Variants in CLMN observed in about 807,000 individuals in gnomAD.
CLMN encodes calmin.
In CLMN, 57 loss-of-function variants were observed where a neutral mutation model predicts 92.7. The ratio of observed to expected loss-of-function variants is 0.61; its 90% CI spans 0.50 to 0.77. The LOEUF (loss-of-function observed/expected upper bound fraction) is 0.77, where lower values mean the gene tolerates loss of function less well. Among genes scored for constraint, CLMN ranks in the 30% least tolerant of loss-of-function variants. The pLI is 0.00. For missense variants in CLMN, 1,158 were observed against 1,237.5 expected (o/e 0.94, Z 0.96); for synonymous variants, 466 against 470.6 (o/e 0.99, Z 0.13).
At chr14:95,236,197 G>T (rs1007826425) in intron 1 of CLMN, among the ~76,000 whole-genome samples, 1 of 152,204 alleles carries the variant, frequency 6.6e-6, no homozygotes, top group East Asian at 1.9e-4. Flanking sequence ...GAACATGGCC[G>T]CTCAGTGAAA....
At chr14:95,237,452 G>A (rs918325016) in intron 1 of CLMN, among the ~76,000 whole-genome samples, 7 of 152,350 alleles carry the variant, frequency 4.6e-5, no homozygotes, top group Admixed American at 2.0e-4. Flanking sequence ...GCATGGTCAC[G>A]TGGCAGAGAG....
At chr14:95,318,789 T>G (rs1050868725) in intron 1 of CLMN, among the ~76,000 whole-genome samples, 4 of 152,042 alleles carry the variant, frequency 2.6e-5, no homozygotes, top group Non-Finnish European at 5.9e-5. Flanking sequence ...AAAGCCCATA[T>G]ATGAAAAAAA....
At chr14:95,223,326 C>T (rs904825893) in intron 3 of CLMN, among the ~76,000 whole-genome samples, 7 of 152,276 alleles carry the variant, frequency 4.6e-5, no homozygotes, top group East Asian at 3.9e-4. Context: ...GTGGAATGAA[C>T]GTCAAGACCA....
chr14:95,291,703 T>C (rs1900573498), intron 1 of CLMN, among the ~76,000 whole-genome samples: 1 of 152,178 alleles, frequency 6.6e-6, no homozygotes, highest in African/African-American at 2.4e-5. Context: ...CATCTAGGTA[T>C]CTGTCCTCTA....
intron 1 of CLMN, among the ~76,000 whole-genome samples, chr14:95,297,503 T>C (rs917147079): frequency 2.6e-5 from 4 of 152,140 alleles, no homozygotes; most frequent in African/African-American, 9.7e-5. Flanking sequence ...TGTGTCCTAT[T>C]GTACTCAATC....
chr14:95,196,735 C>G, intron 9 of CLMN, 41 bp from the exon 10 acceptor site: 1 of 1,588,276 alleles, frequency 6.3e-7, no homozygotes, highest in Non-Finnish European at 8.6e-7. Flanking sequence ...GTATGTCACG[C>G]TGCAGTGTAA....
At chr14:95,221,559 G>T in intron 4 of CLMN, 132 bp downstream of exon 4, 2 of 741,166 alleles carry the variant, frequency 2.7e-6, no homozygotes, top group Non-Finnish European at 4.4e-6. Context: ...TGAAATTTAA[G>T]CTTAGTTTAA....
At position 95,191,561 on chromosome 14, in the gene CLMN, G is replaced by GT; in HGVS notation, c.*2dup. On this transcript the variant is annotated 3_prime_UTR_variant, in exon 13 of 13. Transcript: ENST00000298912. This position sits in a 1 kb window ranked among gnomAD's most constrained non-coding sequence, Gnocchi z 5.3. ...TGTCTTTTTTATTATCCAGACACAC[G>GT]TATCAGAGCCTGCTAACATCCAGTT... The GT allele has an allele frequency of 1.2e-6, 2 of 1,608,184 alleles. No homozygotes were observed. The highest frequency in any genetic ancestry group is 8.5e-7 in the Non-Finnish European group (1 of 1,177,350).
At chr14:95,247,351 A>G (rs1331767106) in intron 1 of CLMN, among the ~76,000 whole-genome samples, 2 of 152,222 alleles carry the variant, frequency 1.3e-5, no homozygotes, top group East Asian at 1.9e-4. Context: ...GCCAAGGCTC[A>G]GCCATCTTGG....
chr14:95,245,218 AT>A lies in CLMN; in HGVS notation c.83-15086del, dbSNP rs1309613627. The stretch of plus-strand genomic sequence containing the variant: ...TAATATATATATATATTATATATAT[AT>A]ATATATTATATATATATATTATATA... On this transcript the variant is annotated intron_variant, in intron 1 of 12. Coordinates refer to ENST00000298912, the MANE Select transcript of CLMN (RefSeq NM_024734.4). 1.1e-3 allele frequency among the ~76,000 whole-genome samples: 31 copies of A among 29,492 alleles called. 6 individuals carry two copies. Among genetic ancestry groups the A allele is most frequent in the African/African-American group, 6.5e-3 (31 of 4,738 alleles). 19.3% of individuals were successfully genotyped at this position (29,492 alleles called of 152,430 possible). A position where few individuals can be genotyped will look rare whatever the true frequency, so the allele number is the denominator to read the frequency against.
intron 1 of CLMN, among the ~76,000 whole-genome samples, chr14:95,277,198 T>C (rs1899965634): frequency 6.6e-6 from 1 of 152,246 alleles, no homozygotes. Flanking sequence ...CTGTAGCGAA[T>C]TTGGTGAACT....
intron 3 of CLMN, among the ~76,000 whole-genome samples, chr14:95,223,512 T>G (rs1595588960): frequency 6.6e-6 from 1 of 152,218 alleles, no homozygotes; most frequent in South Asian, 2.1e-4. Flanking sequence ...AGTTCTAATC[T>G]TAAGCCTTAA....
At chr14:95,283,109 T>A (rs527593817) in intron 1 of CLMN, among the ~76,000 whole-genome samples, 1 of 152,280 alleles carries the variant, frequency 6.6e-6, no homozygotes, top group Middle Eastern at 3.4e-3. Flanking sequence ...AATTCCCACA[T>A]GTTGTGAGAG....
chr14:95,207,156 C>T (rs987538535), intron 8 of CLMN, among the ~76,000 whole-genome samples: 4 of 152,110 alleles, frequency 2.6e-5, no homozygotes, highest in African/African-American at 7.2e-5. Flanking sequence ...AACGTGTATA[C>T]ATTGTAAAAT....
At position 95,183,045 on chromosome 14, in the gene CLMN, A is replaced by G. The variant is rs1896364444; in HGVS notation, c.*8519T>C. The G allele has an allele frequency of 6.6e-6, 1 of 152,220 alleles. No individual in the cohort carries two copies. Among genetic ancestry groups the G allele is most frequent in the South Asian group, 2.1e-4 (1 of 4,832 alleles). 9.4% of individuals were successfully genotyped at this position (152,220 alleles called of 1,614,324 possible). The stretch of plus-strand genomic sequence containing the variant: ...CTTTAAGCAAATAGGCCACTTATTG[A>G]GATAAATAAAAACTACCTTCGTAAC... On this transcript the variant is annotated 3_prime_UTR_variant, in exon 13 of 13. Transcript: ENST00000298912.
chr14:95,207,603 G>C (rs1263929843), intron 8 of CLMN, among the ~76,000 whole-genome samples: 1 of 152,198 alleles, frequency 6.6e-6, no homozygotes, highest in Admixed American at 6.5e-5. Flanking sequence ...ATGTGGGTCA[G>C]ATTTCCATTT....
intron 2 of CLMN, among the ~76,000 whole-genome samples, chr14:95,229,349 T>C (rs2140632645): frequency 6.6e-6 from 1 of 152,324 alleles, no homozygotes; most frequent in Non-Finnish European, 1.5e-5. Flanking sequence ...CAGCTGCTTT[T>C]GTTTTATGGT....
chr14:95,290,009 T>C (rs111989689), intron 1 of CLMN, among the ~76,000 whole-genome samples: 3,589 of 152,302 alleles, frequency 0.024, 168 homozygotes, highest in African/African-American at 0.082. Context: ...CAAGGCAAAG[T>C]GTCCATTCTT....
Position 95,319,603 on chromosome 14 carries a change from C to T in CLMN, c.82+108G>A, listed in dbSNP as rs540466710. On this transcript the variant is annotated intron_variant, in intron 1 of 12. Transcript: ENST00000298912. ...ACCTCGAGGCAAGTGACAGGAACAA[C>T]GAGCGGCCGGCGAGCGGGGGCGGCG... is the stretch of plus-strand genomic sequence containing the variant. 2,057 of 904,264 alleles carry T rather than the reference C, an allele frequency of 2.3e-3. 12 individuals are homozygous for T. Among genetic ancestry groups the T allele is most frequent in the Non-Finnish European group, 2.0e-3 (1,244 of 618,162 alleles). 56.0% of individuals were successfully genotyped at this position (904,264 alleles called of 1,614,324 possible).
Sources: allele counts gnomAD v4.1 joint callset (sites outside exome capture counted in the v4.1 genomes callset), GRCh38; gene constraint gnomAD v4.1.1; non-coding constraint Gnocchi (gnomAD v3.1); transcripts MANE v1.5; gene names NCBI Gene and HGNC (gene_info 2026-07-23, HGNC 2026-07-21).